Variants in NSL1 observed in about 807,000 individuals in gnomAD.
NSL1 encodes kinetochore-associated protein NSL1 homolog.
Under a neutral mutation model 25.4 loss-of-function variants are expected in NSL1, and 11 were observed. The ratio of observed to expected loss-of-function variants is 0.43; its 90% CI spans 0.27 to 0.72. NSL1 has a LOEUF of 0.72. Among genes scored for constraint, NSL1 ranks in the 30% least tolerant of loss-of-function variants. The pLI is 0.19. For synonymous variants in NSL1, 118 were observed against 120.6 expected (o/e 0.98, Z 0.14); for missense variants, 330 against 342.7 (o/e 0.96, Z 0.29).
intron 1 of NSL1, among the ~76,000 whole-genome samples, chr1:212,789,079 G>A (rs1661066746): frequency 1.3e-5 from 2 of 152,120 alleles, no homozygotes; most frequent in South Asian, 2.1e-4. Flanking sequence ...ATTTTTTTAT[G>A]AGCATATATT....
At chr1:212,744,794 T>C (rs1658680941) in intron 4 of NSL1, among the ~76,000 whole-genome samples, 1 of 151,926 alleles carries the variant, frequency 6.6e-6, no homozygotes, top group Middle Eastern at 3.2e-3. Context: ...AACTTGAAGG[T>C]AGGCCAAATG....
intron 4 of NSL1, among the ~76,000 whole-genome samples, chr1:212,773,357 A>T (rs1176518813): frequency 6.6e-6 from 1 of 152,148 alleles, no homozygotes. Context: ...AAATCCTGTT[A>T]AAAAGAAGGT....
chr1:212,731,984 A>G lies in NSL1; in HGVS notation c.*6424T>C, dbSNP rs1024735538. 1 of 984,214 alleles carries G rather than the reference A, an allele frequency of 1.0e-6. No homozygotes were observed. Among genetic ancestry groups the G allele is most frequent in the East Asian group, 1.1e-4 (1 of 8,802 alleles). The allele number at this position is 984,214 out of a possible 1,614,324, so 61.0% of individuals were successfully genotyped here. A position where few individuals can be genotyped will look rare whatever the true frequency, so the allele number is the denominator to read the frequency against. ...AACTGTTCAGTGCCTGTGCTGTACT[A>G]ATTGCTAATTCCCATCCTTTAGCCT... is the stretch of plus-strand genomic sequence containing the variant. On this transcript the variant is annotated 3_prime_UTR_variant, in exon 6 of 6. Coordinates refer to ENST00000366977, the MANE Select transcript of NSL1 (RefSeq NM_015471.4).
At chr1:212,751,864 A>G (rs1284670876) in intron 4 of NSL1, among the ~76,000 whole-genome samples, 1 of 152,174 alleles carries the variant, frequency 6.6e-6, no homozygotes, top group Admixed American at 6.5e-5. Context: ...CTCACTCAAG[A>G]TTATTCTAAA....
At chr1:212,778,592 G>A (rs1660496863) in intron 4 of NSL1, among the ~76,000 whole-genome samples, 1 of 152,136 alleles carries the variant, frequency 6.6e-6, no homozygotes, top group African/African-American at 2.4e-5. Context: ...GTGGAGACGG[G>A]GTTTCACTGT....
intron 4 of NSL1, among the ~76,000 whole-genome samples, chr1:212,754,493 C>T (rs1338904887): frequency 3.3e-5 from 5 of 152,054 alleles, no homozygotes; most frequent in African/African-American, 1.2e-4. Context: ...CTGCCACTAA[C>T]CAGCCCGGCG....
intron 4 of NSL1, among the ~76,000 whole-genome samples, 176 bp from the exon 5 acceptor site, chr1:212,739,777 A>G (rs1399886198): frequency 6.6e-6 from 1 of 152,242 alleles, no homozygotes. Context: ...GAGTAAAACT[A>G]AAAGTTATAA....
At chr1:212,749,832 A>T (rs1436966947) in intron 4 of NSL1, among the ~76,000 whole-genome samples, 3 of 151,656 alleles carry the variant, frequency 2.0e-5, no homozygotes, top group Non-Finnish European at 2.9e-5. Flanking sequence ...TGTGTGTAAA[A>T]TGGAATTAGG....
intron 4 of NSL1, among the ~76,000 whole-genome samples, chr1:212,775,634 G>A (rs1332383141): frequency 6.0e-5 from 9 of 151,016 alleles, no homozygotes; most frequent in Middle Eastern, 3.4e-3. Flanking sequence ...CAATACCAAG[G>A]ATGAAAGAAA....
Position 212,729,989 on chromosome 1 carries a change from T to C in NSL1, c.*8419A>G, listed in dbSNP as rs1057377778. 4 of 984,448 alleles carry C rather than the reference T, an allele frequency of 4.1e-6. No homozygotes were observed. In the African/African-American group the frequency reaches 7.0e-5, roughly 17 times the overall value. The allele number at this position is 984,448 out of a possible 1,614,324, so 61.0% of individuals were successfully genotyped here. On this transcript the variant is annotated 3_prime_UTR_variant, in exon 6 of 6. Transcript: ENST00000366977. ...AAATGGGCCGGGCGTGGCGGCTCAC[T>C]CCTGTAATCACAGCACTTTGGGAGG...
At position 212,727,911 on chromosome 1, in the gene NSL1, A is replaced by G; in HGVS notation, c.*10497T>C. ...TATGTGTCATTGAAAAAAAATGAGA[A>G]GAACCAACGAGGTCGCTGTGGTGTA... On this transcript the variant is annotated 3_prime_UTR_variant, in exon 6 of 6. Coordinates refer to ENST00000366977, the MANE Select transcript of NSL1 (RefSeq NM_015471.4). The G allele has an allele frequency of 1.0e-6, 1 of 985,448 alleles. No individual in the cohort carries two copies. Among genetic ancestry groups the G allele is most frequent in the East Asian group, 1.1e-4 (1 of 8,820 alleles). The allele number at this position is 985,448 out of a possible 1,614,324, so 61.0% of individuals were successfully genotyped here. A position where few individuals can be genotyped will look rare whatever the true frequency, so the allele number is the denominator to read the frequency against.
chr1:212,771,114 G>A (rs1219183972), intron 4 of NSL1, among the ~76,000 whole-genome samples: 3 of 152,160 alleles, frequency 2.0e-5, no homozygotes, highest in Non-Finnish European at 1.5e-5. Context: ...GGGAGTACGA[G>A]ACCAGCCTGA....
Position 212,791,658 on chromosome 1 carries a change from A to C in NSL1, c.106T>G (p.Phe36Val), listed in dbSNP as rs781355683. 5 of 1,613,874 alleles carry C rather than the reference A, an allele frequency of 3.1e-6. No individual in the cohort carries two copies. In the South Asian group the frequency reaches 5.5e-5, roughly 18 times the overall value. Residue 36 changes from phenylalanine to valine, a missense_variant, in exon 1 of 6, where the codon TTT (phenylalanine) becomes GTT (valine). Transcript: ENST00000366977. ...ALVSATPREDFRVRCTSKRAV... is the reference protein window; with the variant it reads ...ALVSATPREDVRVRCTSKRAV... ...CGCTTCGAGGTGCAGCGCACCCGAA[A>C]GTCTTCTCGGGGAGTGGCGGAGACC...
intron 4 of NSL1, among the ~76,000 whole-genome samples, chr1:212,763,124 G>A (rs1185058761): frequency 6.6e-6 from 1 of 152,210 alleles, no homozygotes; most frequent in African/African-American, 2.4e-5. Flanking sequence ...CACTGTGGGA[G>A]TGAGACCAGC....
In NSL1 at chr1:212,737,213, A is replaced by C; in HGVS notation, c.*1195T>G. 1.0e-6 allele frequency: 1 copy of C among 985,428 alleles called. No individual in the cohort carries two copies. Among genetic ancestry groups the C allele is most frequent in the Non-Finnish European group, 1.2e-6 (1 of 829,888 alleles). 61.0% of individuals were successfully genotyped at this position (985,428 alleles called of 1,614,324 possible). A position where few individuals can be genotyped will look rare whatever the true frequency, so the allele number is the denominator to read the frequency against. ...GAAAAACACATAGCTGTGTACAAAT[A>C]TACAGATCTCAAACTGTAACACTGA... is the stretch of plus-strand genomic sequence containing the variant. On this transcript the variant is annotated 3_prime_UTR_variant, in exon 6 of 6. Coordinates refer to ENST00000366977, the MANE Select transcript of NSL1 (RefSeq NM_015471.4).
Position 212,760,864 on chromosome 1 carries a change from C to T in NSL1, c.500-21263G>A, listed in dbSNP as rs560422030. On this transcript the variant is annotated intron_variant, in intron 4 of 5. Transcript: ENST00000366977. This position sits in a 1 kb window ranked among gnomAD's most constrained non-coding sequence, Gnocchi z 4.3. Reference sequence around the variant, plus strand: ...ACCAAAAATGGATGTATTTGGCATGCCATCACCACCAGTGGGGCCCAAGAA... The same window carrying T: ...ACCAAAAATGGATGTATTTGGCATGTCATCACCACCAGTGGGGCCCAAGAA... 8.5e-4 allele frequency among the ~76,000 whole-genome samples: 129 copies of T among 152,300 alleles called. No homozygotes were observed. Among genetic ancestry groups the T allele is most frequent in the Non-Finnish European group, 1.6e-3 (106 of 68,034 alleles).
Position 212,730,803 on chromosome 1 carries a change from A to C in NSL1, c.*7605T>G, listed in dbSNP as rs1657982520. ...CCTAATTCAGGTCAGTTTCCCAGTG[A>C]TCTGTCCTCAGTTTTTTACCTCTCC... On this transcript the variant is annotated 3_prime_UTR_variant, in exon 6 of 6. Transcript: ENST00000366977. 1.0e-6 allele frequency: 1 copy of C among 985,234 alleles called. No homozygotes were observed. The highest frequency in any genetic ancestry group is 6.2e-5 in the Admixed American group (1 of 16,258). 61.0% of individuals were successfully genotyped at this position (985,234 alleles called of 1,614,324 possible). A position where few individuals can be genotyped will look rare whatever the true frequency, so the allele number is the denominator to read the frequency against.
At chr1:212,784,541 T>C (rs758166880) in intron 2 of NSL1, 48 bp from the exon 3 acceptor site, 1 of 1,227,144 alleles carries the variant, frequency 8.1e-7, no homozygotes. Flanking sequence ...CTAAAACTCA[T>C]TGTTTACATT....
intron 4 of NSL1, among the ~76,000 whole-genome samples, chr1:212,777,007 A>G (rs961510443): frequency 6.6e-6 from 1 of 151,904 alleles, no homozygotes; most frequent in Non-Finnish European, 1.5e-5. Context: ...AAAACAAACA[A>G]ACAAAAAAAT....
Sources: allele counts gnomAD v4.1 joint callset (sites outside exome capture counted in the v4.1 genomes callset), GRCh38; gene constraint gnomAD v4.1.1; non-coding constraint Gnocchi (gnomAD v3.1); transcripts MANE v1.5; gene names NCBI Gene and HGNC (gene_info 2026-07-23, HGNC 2026-07-21).